PKD1L1: variants seen among roughly 807,000 people sequenced by gnomAD.
The protein encoded by PKD1L1 is polycystin-1-like protein 1.
Under a neutral mutation model 323.4 loss-of-function variants are expected in PKD1L1, and 236 were observed. The ratio of observed to expected loss-of-function variants is 0.73; its 90% confidence interval spans 0.66 to 0.81. PKD1L1 has a LOEUF of 0.81. Ranked by LOEUF, PKD1L1 falls within the 40% of genes least tolerant of loss-of-function variation. The probability of loss-of-function intolerance (pLI) is 0.00; values close to 1 mark genes in which losing one functional copy is unlikely to be tolerated. For synonymous variants in PKD1L1, 1,344 were observed against 1,335.0 expected, an observed-to-expected ratio of 1.01 and a Z score of -0.15; for missense variants, 3,320 against 3,508.0, an observed-to-expected ratio of 0.95 and a Z score of 1.35.
chr7:47,831,753 T>A (rs973524465), intron 41 of PKD1L1, among the ~76,000 whole-genome samples: 1 of 152,200 alleles, frequency 6.6e-6, no homozygotes, highest in Non-Finnish European at 1.5e-5. Context: ...GGGGATCTCC[T>A]CTTCTGACCT....
rs1015945489 is a variant in PKD1L1, at chr7:47,846,893, T to C, written c.5139A>G (p.Glu1713=). ...TGTGTCTATACCTGCAGTTCACTTT[T>C]TCAGGAGAAGTCCCTGGTTGTGGAG... is the stretch of plus-strand genomic sequence containing the variant. The part of the protein sequence containing the change: ...RFSPQPGTSP[E]KVNCSYHRLA... The change falls in exon 32 of 57, where the codon GAA becomes GAG. Residue 1713 remains glutamate, a synonymous_variant. Transcript: ENST00000289672. The C allele has an allele frequency of 6.2e-7, 1 of 1,602,916 alleles. No individual in the cohort carries two copies. Among genetic ancestry groups the C allele is most frequent in the African/African-American group, 1.3e-5 (1 of 74,256 alleles).
chr7:47,886,865 A>T (rs1405673275), intron 17 of PKD1L1, among the ~76,000 whole-genome samples: 2 of 152,168 alleles, frequency 1.3e-5, no homozygotes, highest in African/African-American at 4.8e-5. Flanking sequence ...AGTATCTAGT[A>T]TAACAGTTTT....
chr7:47,843,157 G>A lies in PKD1L1; in HGVS notation c.5250C>T (p.Asn1750=). ...DISKLQSHPE[N]LLPSIFIMGS... ...CCATAATAAAAATACTGGGAAGCAA[G>A]TTTTCTGGGTGGCTATAAACAAAAG... The change falls in exon 34 of 57, where the codon AAC becomes AAT. Residue 1750 remains asparagine, a synonymous_variant. Transcript: ENST00000289672. The A allele has an allele frequency of 1.9e-6, 3 of 1,610,818 alleles. No homozygotes were observed. Among genetic ancestry groups the A allele is most frequent in the Non-Finnish European group, 2.5e-6 (3 of 1,178,938 alleles).
intron 8 of PKD1L1, among the ~76,000 whole-genome samples, chr7:47,908,963 C>G (rs1236181798): frequency 6.6e-6 from 1 of 152,144 alleles, no homozygotes; most frequent in Non-Finnish European, 1.5e-5. Flanking sequence ...CCCCATGGCC[C>G]CAGCCAAGGG....
chr7:47,812,335 C>T (rs926767508), intron 49 of PKD1L1, among the ~76,000 whole-genome samples: 1 of 152,132 alleles, frequency 6.6e-6, no homozygotes, highest in Non-Finnish European at 1.5e-5. Context: ...TTTCCCACCC[C>T]AACCCATGTG....
intron 46 of PKD1L1, 112 bp from the exon 47 acceptor site, chr7:47,815,569 C>T: frequency 3.1e-6 from 4 of 1,272,378 alleles, no homozygotes; most frequent in Non-Finnish European, 4.4e-6. Context: ...ATTTCAGGTA[C>T]TCTGCAGGAA....
intron 8 of PKD1L1, among the ~76,000 whole-genome samples, chr7:47,912,109 C>T (rs1255642611): frequency 6.6e-6 from 1 of 152,136 alleles, no homozygotes; most frequent in Non-Finnish European, 1.5e-5. Flanking sequence ...CAGAAAAACA[C>T]TGTCCACAAG....
chr7:47,925,825 C>A (rs1787647113), intron 7 of PKD1L1, among the ~76,000 whole-genome samples: 1 of 152,086 alleles, frequency 6.6e-6, no homozygotes, highest in Admixed American at 6.5e-5. Flanking sequence ...AAAGAGGAGA[C>A]CCAAAATGAA....
In PKD1L1 at chr7:47,858,735, T is replaced by C. The variant is rs1184609656; in HGVS notation, c.4300A>G (p.Asn1434Asp). The change falls in exon 27 of 57, where the codon AAC (asparagine) becomes GAC (aspartate). Residue 1434 changes from asparagine (N) to aspartate (D), a missense_variant. Physicochemically the swap from Asn to Asp is conservative, Grantham distance 23 (BLOSUM62 1). Coordinates refer to ENST00000289672, the MANE Select transcript of PKD1L1 (RefSeq NM_138295.5). The stretch of plus-strand genomic sequence containing the variant: ...TGTCGATAGACTTCCTCCTTCGAGT[T>C]TTCTTGCTCAGAGACTTCCCAGACT... ...SRVWEVSEQE[N>D]SKEEVYRHEE... The C allele has an allele frequency of 6.2e-7, 1 of 1,614,162 alleles. No individual in the cohort carries two copies. Among genetic ancestry groups the C allele is most frequent in the South Asian group, 1.1e-5 (1 of 91,074 alleles).
the PKD1L1 span, among the ~76,000 whole-genome samples, chr7:47,960,669 C>A: frequency 1.4e-5 from 2 of 142,484 alleles, no homozygotes. Flanking sequence ...ATGAAAGGAG[C>A]AGAAATAAAT....
intron 7 of PKD1L1, among the ~76,000 whole-genome samples, chr7:47,928,891 T>G (rs1310497997): frequency 2.0e-5 from 3 of 152,202 alleles, no homozygotes; most frequent in African/African-American, 7.2e-5. Flanking sequence ...TCTGCTTCTG[T>G]GTAGGATGAA....
chr7:47,955,215 G>GAGTTTAGAATAACATCAAACTGA, the PKD1L1 span, among the ~76,000 whole-genome samples: 1 of 152,106 alleles, frequency 6.6e-6, no homozygotes, highest in Admixed American at 6.5e-5. Flanking sequence ...TCTAAACCTG[G>GAGTTTAGAATAACATCAAACTGA]CATAACATCA....
chr7:47,926,896 C>A (rs568882623), intron 7 of PKD1L1, among the ~76,000 whole-genome samples: 1 of 152,282 alleles, frequency 6.6e-6, no homozygotes, highest in South Asian at 2.1e-4. Context: ...AGGAAGCCAG[C>A]ATAGGTAGAG....
rs1290875645 is a variant in PKD1L1, at chr7:47,803,493, T to G, written c.7828-149A>C. The G allele has an allele frequency of 4.6e-6, 4 of 873,910 alleles. No homozygotes were observed. The South Asian group carries it at 7.0e-5, about 15-fold the overall frequency. The allele number at this position is 873,910 out of a possible 1,614,324, so 54.1% of individuals were successfully genotyped here. On this transcript the variant is annotated intron_variant, in intron 52 of 56. Transcript: ENST00000289672. ...GTCTCCGAGGGACATCAAGTGCAGATGTCTGCAGAGGAGAATGAGTTGGAA... is the reference window on the plus strand; with the variant it reads ...GTCTCCGAGGGACATCAAGTGCAGAGGTCTGCAGAGGAGAATGAGTTGGAA...
At chr7:47,947,238 T>C (rs1318776775) in intron 1 of PKD1L1, among the ~76,000 whole-genome samples, 1 of 152,166 alleles carries the variant, frequency 6.6e-6, no homozygotes, top group Non-Finnish European at 1.5e-5. Context: ...TTTGATAAAA[T>C]GATGGTGATG....
At chr7:47,837,667 G>C (rs2128737081) in intron 36 of PKD1L1, among the ~76,000 whole-genome samples, 1 of 152,234 alleles carries the variant, frequency 6.6e-6, no homozygotes, top group South Asian at 2.1e-4. Context: ...AGTACACTGA[G>C]AGTGGGGCTG....
rs1481081028 is a variant in PKD1L1, at chr7:47,853,866, C to T, written c.4860-639G>A. Among the ~76,000 whole-genome samples the T allele has an allele frequency of 2.6e-5, 4 of 151,742 alleles. No homozygotes were observed. The East Asian group carries it at 7.7e-4, about 29-fold the overall frequency. ...GTCTGTAGGAATAAGACAAACAGCA[C>T]TGGCTACACGTGGTTAGGGAGGGGC... On this transcript the variant is annotated intron_variant, in intron 30 of 56. Coordinates refer to ENST00000289672, the MANE Select transcript of PKD1L1 (RefSeq NM_138295.5).
chr7:47,957,867 A>ATATATATATATATATATATATATAATC, the PKD1L1 span, among the ~76,000 whole-genome samples: 1 of 147,626 alleles, frequency 6.8e-6, no homozygotes, highest in African/African-American at 2.4e-5. Context: ...AAAAAAATAT[A>ATATATATATATATATATATATATAATC]TATATATATA....
rs779051177 is a variant in PKD1L1 at position 47,855,214 on chromosome 7, T to C, written c.4642A>G (p.Ile1548Val). ...GGTTTCCTTAGCCATTGCCTGTTGA[T>C]GGGTCTTCTGCTGGAGCAGGTATAG... Reference protein sequence around the residue: ...NLYTCSSRRPINRQWLRKPVM... With the variant: ...NLYTCSSRRPVNRQWLRKPVM... Residue 1548 changes from isoleucine to valine, a missense_variant, in exon 29 of 57, where the codon ATC becomes GTC. Coordinates refer to ENST00000289672, the MANE Select transcript of PKD1L1 (RefSeq NM_138295.5). 1.2e-6 allele frequency: 2 copies of C among 1,614,210 alleles called. No homozygotes were observed. Among genetic ancestry groups the C allele is most frequent in the East Asian group, 4.5e-5 (2 of 44,876 alleles).
Sources: gnomAD v4.1 joint callset for allele counts (sites outside exome capture counted in the v4.1 genomes callset) on GRCh38, gnomAD v4.1.1 for gene constraint, MANE v1.5 for transcripts, NCBI Gene and HGNC (gene_info 2026-07-23, HGNC 2026-07-21) for gene names.